ENPP6: variants seen among roughly 807,000 people sequenced by gnomAD.
ENPP6 encodes ectonucleotide pyrophosphatase/phosphodiesterase 6, also known as glycerophosphocholine cholinephosphodiesterase ENPP6.
ENPP6 carries 32 observed loss-of-function variants against 42.0 expected under a neutral mutation model. That is an observed-to-expected ratio of 0.76 (90% confidence interval 0.58 to 1.02). ENPP6 has a LOEUF of 1.02. Ranked by LOEUF, ENPP6 falls within the 50% of genes least tolerant of loss-of-function variation. The pLI, the probability that ENPP6 is intolerant of heterozygous loss-of-function variation, is 0.00. For missense variants in ENPP6, 552 were observed against 566.8 expected, an observed-to-expected ratio of 0.97 and a Z score of 0.27; for synonymous variants, 213 against 216.0, an observed-to-expected ratio of 0.99 and a Z score of 0.12.
intron 1 of ENPP6, among the ~76,000 whole-genome samples, chr4:184,170,727 A>C (rs751396447): frequency 1.3e-5 from 2 of 152,176 alleles, no homozygotes; most frequent in Non-Finnish European, 1.5e-5. Context: ...TTAGGCAAGA[A>C]TCCACTGCAC....
rs1010940562 is a variant in ENPP6 at position 184,197,348 on chromosome 4, G to T, written c.241+20231C>A. ...GTACCTCCCGGGAGATGTTAATGAGGCTGAAGAAAGAAGCAAAAGCAACCC... is the reference window on the plus strand; with the variant it reads ...GTACCTCCCGGGAGATGTTAATGAGTCTGAAGAAAGAAGCAAAAGCAACCC... On this transcript the variant is annotated intron_variant, in intron 1 of 7. Coordinates refer to ENST00000296741, the MANE Select transcript of ENPP6 (RefSeq NM_153343.4). Among the ~76,000 whole-genome samples, 3 of 152,208 alleles carry T rather than the reference G, an allele frequency of 2.0e-5. No homozygotes were observed. The South Asian group carries it at 6.2e-4, about 31-fold the overall frequency.
chr4:184,144,687 G>A (rs1399413645), intron 2 of ENPP6, among the ~76,000 whole-genome samples: 8 of 152,236 alleles, frequency 5.3e-5, no homozygotes, highest in Non-Finnish European at 1.2e-4. Flanking sequence ...GCCTGCTCCA[G>A]GTCAGATGGC....
chr4:184,124,086 T>G, intron 3 of ENPP6, 75 bp downstream of exon 3: 1 of 1,182,066 alleles, frequency 8.5e-7, no homozygotes, highest in South Asian at 1.3e-5. Context: ...AAAGCCCTCT[T>G]AATTCACTTT....
intron 1 of ENPP6, chr4:184,204,074 G>C (rs35785684): frequency 0.43 from 65,299 of 152,034 alleles, 14,523 homozygotes; most frequent in Non-Finnish European, 0.48. Context: ...CCTTCCCCCT[G>C]TGTCTATATG....
intron 1 of ENPP6, among the ~76,000 whole-genome samples, chr4:184,167,327 C>T (rs1737365785): frequency 6.6e-6 from 1 of 152,196 alleles, no homozygotes; most frequent in Non-Finnish European, 1.5e-5. Context: ...GTTGGCCAGG[C>T]TGGTCTCAAA....
intron 1 of ENPP6, among the ~76,000 whole-genome samples, chr4:184,169,759 C>T (rs1386368290): frequency 6.6e-6 from 1 of 152,260 alleles, no homozygotes; most frequent in African/African-American, 2.4e-5. Context: ...TGGCAAATCT[C>T]ACAAGCGACT....
intron 5 of ENPP6, among the ~76,000 whole-genome samples, chr4:184,113,118 C>G (rs1184174085): frequency 1.3e-5 from 2 of 152,038 alleles, no homozygotes; most frequent in African/African-American, 4.8e-5. Context: ...CTGGAACAGC[C>G]CAAATGCCCA....
chr4:184,107,190 C>G (rs1015999357), intron 6 of ENPP6, among the ~76,000 whole-genome samples: 3 of 152,120 alleles, frequency 2.0e-5, no homozygotes, highest in Non-Finnish European at 4.4e-5. Context: ...TGGGAAGATG[C>G]AGGGCAAAGT....
At chr4:184,209,006 C>A (rs1429718307) in intron 1 of ENPP6, among the ~76,000 whole-genome samples, 2 of 142,494 alleles carry the variant, frequency 1.4e-5, no homozygotes, top group Non-Finnish European at 3.1e-5. Flanking sequence ...GGTATTCCAA[C>A]AGACCTGCAG....
chr4:184,149,020 C>G (rs1736973905), intron 2 of ENPP6, among the ~76,000 whole-genome samples: 1 of 152,170 alleles, frequency 6.6e-6, no homozygotes, highest in Non-Finnish European at 1.5e-5. Context: ...TTGACTAAGG[C>G]CTCTTCCAGT....
chr4:184,216,152 C>T (rs1000416965), intron 1 of ENPP6, among the ~76,000 whole-genome samples: 2 of 152,138 alleles, frequency 1.3e-5, no homozygotes, highest in Non-Finnish European at 2.9e-5. Flanking sequence ...TGTGTGAAGC[C>T]GCTGCACAGA....
At chr4:184,185,392 A>G (rs1434292528) in intron 1 of ENPP6, among the ~76,000 whole-genome samples, 1 of 152,190 alleles carries the variant, frequency 6.6e-6, no homozygotes, top group Middle Eastern at 3.2e-3. Flanking sequence ...ATGAGGGACA[A>G]CGCATCCCTG....
chr4:184,196,052 C>T (rs2111111310), intron 1 of ENPP6, among the ~76,000 whole-genome samples: 1 of 152,232 alleles, frequency 6.6e-6, no homozygotes, highest in East Asian at 1.9e-4. Context: ...CTGAAACTTG[C>T]CCTGCTCAGA....
Position 184,112,704 on chromosome 4 carries a change from A to AGTGTTTGT in ENPP6, c.960_961insACAAACAC (p.Leu321ThrfsTer4). 6.2e-7 allele frequency: 1 copy of AGTGTTTGT among 1,614,092 alleles called. No individual in the cohort carries two copies. Among genetic ancestry groups the AGTGTTTGT allele is most frequent in the South Asian group, 1.1e-5 (1 of 91,038 alleles). ...ATGAACCAGCCTTCATCAGCCACTA[A>AGTGTTTGT]AGTCAAAGGAGAGACAAACTTTCCT... On this transcript the variant is annotated frameshift_variant, in exon 6 of 8. Coordinates refer to ENST00000296741, the MANE Select transcript of ENPP6 (RefSeq NM_153343.4). LOFTEE classifies it high-confidence loss of function.
At chr4:184,120,895 T>A (rs1736404716) in intron 3 of ENPP6, among the ~76,000 whole-genome samples, 1 of 152,130 alleles carries the variant, frequency 6.6e-6, no homozygotes, top group Admixed American at 6.5e-5. Flanking sequence ...GGTAGAGGAC[T>A]GAGGAGTTGA....
At chr4:184,131,094 A>T (rs1217673903) in intron 2 of ENPP6, among the ~76,000 whole-genome samples, 2 of 152,250 alleles carry the variant, frequency 1.3e-5, no homozygotes, top group South Asian at 2.1e-4. Flanking sequence ...GATAATGTCA[A>T]AGAGTTTTGT....
intron 2 of ENPP6, among the ~76,000 whole-genome samples, chr4:184,143,445 C>A (rs753607820): frequency 1.3e-4 from 20 of 152,234 alleles, no homozygotes; most frequent in Admixed American, 1.3e-3. Context: ...CAGCCCGGCA[C>A]CAGCTCTCCT....
At chr4:184,211,350 TAAAG>T (rs1412854401) in intron 1 of ENPP6, among the ~76,000 whole-genome samples, 1 of 151,092 alleles carries the variant, frequency 6.6e-6, no homozygotes, top group Non-Finnish European at 1.5e-5. Flanking sequence ...GCAAGACTAA[TAAAG>T]AAAAAAAGAG....
chr4:184,216,695 C>A (rs921491508), intron 1 of ENPP6: 1 of 152,226 alleles, frequency 6.6e-6, no homozygotes, highest in Non-Finnish European at 1.5e-5. Flanking sequence ...CTCTCGCTGC[C>A]TTTACAAAGG....
Sources: allele counts gnomAD v4.1 joint callset (sites outside exome capture counted in the v4.1 genomes callset), GRCh38; gene constraint gnomAD v4.1.1; transcripts MANE v1.5; gene names NCBI Gene and HGNC (gene_info 2026-07-23, HGNC 2026-07-21).